The following CHMP4B variants were observed in gnomAD, a reference collection of about 807,000 sequenced individuals.
The protein encoded by CHMP4B is charged multivesicular body protein 4B, also known as SNF7 homolog associated with Alix 1.
CHMP4B carries 1 observed loss-of-function variant against 25.1 expected under a neutral mutation model. The ratio of observed to expected loss-of-function variants is 0.04; its 90% CI spans 0.01 to 0.19. The LOEUF (loss-of-function observed/expected upper bound fraction) is 0.19. Ranked by LOEUF, CHMP4B falls within the 10% of genes least tolerant of loss-of-function variation. The probability of loss-of-function intolerance (pLI) is 1.00; values close to 1 mark genes in which losing one functional copy is unlikely to be tolerated. For synonymous variants in CHMP4B, 101 were observed against 115.6 expected (o/e 0.87, Z 0.81); for missense variants, 151 against 289.7 (o/e 0.52, Z 3.48).
intron 1 of CHMP4B, among the ~76,000 whole-genome samples, chr20:33,833,286 G>A (rs1010734894): frequency 6.6e-6 from 1 of 152,090 alleles, no homozygotes; most frequent in Admixed American, 6.5e-5. Context: ...CTGAGAAATG[G>A]CATCTCCACC....
At chr20:33,836,770 C>T (rs1380945679) in intron 1 of CHMP4B, among the ~76,000 whole-genome samples, 2 of 152,164 alleles carry the variant, frequency 1.3e-5, no homozygotes, top group East Asian at 3.9e-4. Flanking sequence ...CTGGGTTTTC[C>T]TTGCCTGCTC....
chr20:33,852,256 T>G, intron 4 of CHMP4B, 53 bp downstream of exon 4: 1 of 1,609,858 alleles, frequency 6.2e-7, no homozygotes, highest in Non-Finnish European at 8.5e-7. Context: ...CAGGTGATCT[T>G]GTGGTCGGTT....
chr20:33,821,257 G>C (rs894436006), intron 1 of CHMP4B, among the ~76,000 whole-genome samples: 2 of 151,980 alleles, frequency 1.3e-5, no homozygotes, highest in African/African-American at 4.8e-5. Context: ...CGTGGTGGCA[G>C]GCGCCTGTAA....
intron 2 of CHMP4B, among the ~76,000 whole-genome samples, 198 bp from the exon 3 acceptor site, chr20:33,850,754 C>T (rs563443159): frequency 7.9e-5 from 12 of 152,216 alleles, no homozygotes; most frequent in Admixed American, 2.0e-4. Context: ...AAGACATTCC[C>T]GTCCCCTTGA....
intron 2 of CHMP4B, among the ~76,000 whole-genome samples, chr20:33,850,667 A>C (rs749547053): frequency 2.8e-4 from 43 of 152,340 alleles, no homozygotes; most frequent in Non-Finnish European, 5.3e-4. Context: ...CTGCGGTCTT[A>C]ATGTGATACC....
At chr20:33,844,373 C>G (rs1281099747) in intron 1 of CHMP4B, among the ~76,000 whole-genome samples, 3 of 152,214 alleles carry the variant, frequency 2.0e-5, no homozygotes, top group Non-Finnish European at 4.4e-5. Context: ...AGATACTAAG[C>G]ACTTACTGTG....
In CHMP4B at chr20:33,853,773, G is replaced by GGGGGGGGGGGGGGGGGGGGAAA; in HGVS notation, c.*213_*214insGGGGGGGGGGGGGGGGGGGAAA. The GGGGGGGGGGGGGGGGGGGGAAA allele has an allele frequency of 4.0e-5, 1 of 25,270 alleles. No homozygotes were observed. Among genetic ancestry groups the GGGGGGGGGGGGGGGGGGGGAAA allele is most frequent in the Non-Finnish European group, 7.6e-5 (1 of 13,100 alleles). 1.6% of individuals were successfully genotyped at this position (25,270 alleles called of 1,614,324 possible). A position where few individuals can be genotyped will look rare whatever the true frequency, so the allele number is the denominator to read the frequency against. ...GGGGGGAGGGGGGCGGGCGGGGTGG[G>GGGGGGGGGGGGGGGGGGGGAAA]AAGTGCCTGCTGTTTATAATGTTGA... On this transcript the variant is annotated 3_prime_UTR_variant, in exon 5 of 5. Coordinates refer to ENST00000217402, the MANE Select transcript of CHMP4B (RefSeq NM_176812.5).
intron 1 of CHMP4B, among the ~76,000 whole-genome samples, chr20:33,842,805 T>C (rs1022738523): frequency 1.3e-5 from 2 of 152,236 alleles, no homozygotes; most frequent in African/African-American, 4.8e-5. Context: ...ATTCGTTTAG[T>C]GAGAGCATAT....
intron 1 of CHMP4B, among the ~76,000 whole-genome samples, chr20:33,814,409 A>G (rs576923292): frequency 5.5e-4 from 83 of 152,280 alleles, no homozygotes; most frequent in African/African-American, 2.0e-3. Context: ...GTGCAGAAAC[A>G]TGAGTGTGTA....
At chr20:33,837,628 C>G (rs2122802426) in intron 1 of CHMP4B, among the ~76,000 whole-genome samples, 1 of 152,292 alleles carries the variant, frequency 6.6e-6, no homozygotes, top group Non-Finnish European at 1.5e-5. Flanking sequence ...TCCTGAGTGA[C>G]ATTTGTGGCT....
chr20:33,844,906 C>A (rs1179118221), intron 1 of CHMP4B, among the ~76,000 whole-genome samples: 3 of 152,124 alleles, frequency 2.0e-5, no homozygotes, highest in Non-Finnish European at 4.4e-5. Flanking sequence ...CCACAGGCGC[C>A]TGCCACCACA....
chr20:33,851,966 A>G (rs975959812), intron 3 of CHMP4B, 111 bp from the exon 4 acceptor site: 1 of 1,428,412 alleles, frequency 7.0e-7, no homozygotes, highest in Non-Finnish European at 9.9e-7. Context: ...ACCTCCCCGC[A>G]GACCTTCTCA....
intron 1 of CHMP4B, among the ~76,000 whole-genome samples, chr20:33,830,381 AG>A (rs1161991194): frequency 6.6e-6 from 1 of 152,210 alleles, no homozygotes; most frequent in Non-Finnish European, 1.5e-5. Context: ...TCCTTGTGTT[AG>A]TTAGCTTGGG....
intron 1 of CHMP4B, among the ~76,000 whole-genome samples, chr20:33,817,756 G>T (rs1191344982): frequency 6.6e-6 from 1 of 152,110 alleles, no homozygotes; most frequent in Non-Finnish European, 1.5e-5. Flanking sequence ...TGAGAGAGAG[G>T]ATATTAGAAA....
At chr20:33,851,443 A>AGG (rs1979844077) in intron 3 of CHMP4B, among the ~76,000 whole-genome samples, 1 of 151,922 alleles carries the variant, frequency 6.6e-6, no homozygotes, top group South Asian at 2.1e-4. Flanking sequence ...TAGAGCAAAG[A>AGG]GGGGGCACTT....
chr20:33,814,230 G>T (rs1469931772), intron 1 of CHMP4B, among the ~76,000 whole-genome samples: 1 of 152,090 alleles, frequency 6.6e-6, no homozygotes, highest in South Asian at 2.1e-4. Flanking sequence ...GTGGGGAGGT[G>T]AACACTACCA....
In CHMP4B at chr20:33,850,962, A is replaced by C; in HGVS notation, c.379A>C (p.Lys127Gln). Residue 127 changes from lysine to glutamine, a missense_variant, in exon 3 of 5, where the codon AAA (lysine) becomes CAA (glutamine). By Grantham distance (53) the Lys-to-Gln change is moderately conservative. Transcript: ENST00000217402. ...CCATTGCATTTGAAGGGACATCGAT[A>C]AAGTTGATGAGTTAATGCAGGACAT... ...KAAHDNMDID[K>Q]VDELMQDIAD... 6.2e-7 allele frequency: 1 copy of C among 1,612,352 alleles called. No homozygotes were observed. The highest frequency in any genetic ancestry group is 8.5e-7 in the Non-Finnish European group (1 of 1,178,330).
chr20:33,826,546 TCTCCCTACAG>T (rs1979099533), intron 1 of CHMP4B, among the ~76,000 whole-genome samples: 1 of 152,168 alleles, frequency 6.6e-6, no homozygotes, highest in Non-Finnish European at 1.5e-5. Context: ...CCAGCAGCTA[TCTCCCTACAG>T]CACCCAGGTG....
intron 1 of CHMP4B, among the ~76,000 whole-genome samples, chr20:33,827,773 G>T (rs6059480): frequency 0.039 from 5,968 of 152,258 alleles, 385 homozygotes; most frequent in African/African-American, 0.13. Flanking sequence ...AAGCACACTG[G>T]GGTAAGACTT....
Sources: allele counts gnomAD v4.1 joint callset (sites outside exome capture counted in the v4.1 genomes callset), GRCh38; gene constraint gnomAD v4.1.1; transcripts MANE v1.5; gene names NCBI Gene and HGNC (gene_info 2026-07-23, HGNC 2026-07-21).